CPLX1: variants seen among roughly 807,000 people sequenced by gnomAD.
CPLX1 encodes the protein complexin 1, also known as complexin-1.
In CPLX1, 6 loss-of-function variants were observed where a neutral mutation model predicts 15.6. The observed-to-expected ratio is 0.39, with a 90% CI of 0.21 to 0.76. The LOEUF (loss-of-function observed/expected upper bound fraction) is 0.76. Among genes scored for constraint, CPLX1 ranks in the 30% least tolerant of loss-of-function variants. CPLX1 has a pLI of 0.43. For missense variants in CPLX1, 242 were observed against 188.6 expected (o/e 1.28, Z -1.66); for synonymous variants, 91 against 75.2 (o/e 1.21, Z -1.08).
At chr4:795,673 C>A (rs1411198186) in intron 2 of CPLX1, among the ~76,000 whole-genome samples, 1 of 152,154 alleles carries the variant, frequency 6.6e-6, no homozygotes, top group East Asian at 1.9e-4. Context: ...GGCACGACCC[C>A]GCGGCAATGA....
rs1050140307 is a variant in CPLX1 at position 792,515 on chromosome 4, C to T, written c.125G>A (p.Arg42His). The change falls in exon 3 of 4, where the codon CGC (arginine) becomes CAC (histidine). Residue 42 changes from arginine to histidine, a missense_variant. Physicochemically the swap from Arg to His is conservative, Grantham distance 29. Coordinates refer to ENST00000304062, the MANE Select transcript of CPLX1 (RefSeq NM_006651.4). The stretch of plus-strand genomic sequence containing the variant: ...GGCCTTGCGCTCCTCCTCCGCCTGG[C>T]GCAGCGCCTCCTGCCGCTCCTCCTC... ...KKEEERQEAL[R>H]QAEEERKAKY... 7 of 1,613,126 alleles carry T rather than the reference C, an allele frequency of 4.3e-6. No individual in the cohort carries two copies. Among genetic ancestry groups the T allele is most frequent in the Admixed American group, 3.3e-5 (2 of 59,982 alleles).
At chr4:796,434 C>T (rs6599376) in intron 2 of CPLX1, among the ~76,000 whole-genome samples, 13,261 of 152,164 alleles carry the variant, frequency 0.087, 694 homozygotes, top group South Asian at 0.15. Context: ...TACAGGCACG[C>T]GCCACCACGC....
intron 2 of CPLX1, among the ~76,000 whole-genome samples, chr4:810,292 A>C (rs969247453): frequency 4.0e-4 from 61 of 150,706 alleles, no homozygotes; most frequent in African/African-American, 1.4e-3. Context: ...CTCGTGATCC[A>C]CCCGCCTCGG....
At chr4:795,231 C>T (rs1746296906) in intron 2 of CPLX1, among the ~76,000 whole-genome samples, 1 of 152,286 alleles carries the variant, frequency 6.6e-6, no homozygotes, top group African/African-American at 2.4e-5. Flanking sequence ...CTGCGGGAAG[C>T]TTGTTCCTGG....
intron 3 of CPLX1, chr4:787,378 G>A (rs1052867495): frequency 9.1e-6 from 9 of 985,044 alleles, no homozygotes; most frequent in South Asian, 4.7e-5. Flanking sequence ...TCTGCCCTCC[G>A]TAGTAGCTGA....
At chr4:806,572 A>G (rs1374141042) in intron 2 of CPLX1, among the ~76,000 whole-genome samples, 4 of 150,488 alleles carry the variant, frequency 2.7e-5, no homozygotes, top group Non-Finnish European at 5.9e-5. Flanking sequence ...GAGCTTCTGC[A>G]TAGCAAAAGA....
Position 824,558 on chromosome 4 carries a change from G to A in CPLX1, c.-36C>T, listed in dbSNP as rs762887197. 1.9e-6 allele frequency: 3 copies of A among 1,611,302 alleles called. No homozygotes were observed. Among genetic ancestry groups the A allele is most frequent in the South Asian group, 1.1e-5 (1 of 91,054 alleles). On this transcript the variant is annotated 5_prime_UTR_variant, in exon 2 of 4. Coordinates refer to ENST00000304062, the MANE Select transcript of CPLX1 (RefSeq NM_006651.4). The stretch of plus-strand genomic sequence containing the variant: ...CTGCTTCCACAGTGGCTCCTCCAGG[G>A]GTCAGAACTCACACGCAAGTATGGC...
chr4:806,033 T>C (rs898020088), intron 2 of CPLX1, among the ~76,000 whole-genome samples: 35 of 152,184 alleles, frequency 2.3e-4, no homozygotes, highest in African/African-American at 7.5e-4. Flanking sequence ...AGGTGTTAGT[T>C]GCACAACATT....
chr4:811,385 A>ATCC (rs1399009183), intron 2 of CPLX1, among the ~76,000 whole-genome samples: 1 of 151,928 alleles, frequency 6.6e-6, no homozygotes, highest in African/African-American at 2.4e-5. Flanking sequence ...GCCTCAGGCA[A>ATCC]TCCTTCCTCC....
chr4:814,508 C>T (rs1283368560), intron 2 of CPLX1, among the ~76,000 whole-genome samples: 3 of 152,174 alleles, frequency 2.0e-5, no homozygotes, highest in African/African-American at 4.8e-5. Flanking sequence ...CCACCACGCC[C>T]GGCCCTCTCC....
intron 2 of CPLX1, among the ~76,000 whole-genome samples, chr4:819,056 G>A (rs1420861644): frequency 6.6e-6 from 1 of 152,248 alleles, no homozygotes; most frequent in East Asian, 1.9e-4. Context: ...TCAGTTCCCT[G>A]TTCTGTCTGA....
At chr4:802,270 C>T (rs1425498964) in intron 2 of CPLX1, among the ~76,000 whole-genome samples, 2 of 152,214 alleles carry the variant, frequency 1.3e-5, no homozygotes, top group Non-Finnish European at 2.9e-5. Flanking sequence ...ATCTCAAAGT[C>T]TTTATGCTGA....
chr4:812,215 C>T (rs979216433), intron 2 of CPLX1, among the ~76,000 whole-genome samples: 1 of 152,102 alleles, frequency 6.6e-6, no homozygotes, highest in Non-Finnish European at 1.5e-5. Flanking sequence ...GCTGGGACTA[C>T]AGGCGCCCGC....
Position 804,164 on chromosome 4 carries a change from G to A in CPLX1, c.32-11556C>T, listed in dbSNP as rs148560706. Among the ~76,000 whole-genome samples, 279 of 152,322 alleles carry A rather than the reference G, an allele frequency of 1.8e-3. 1 individual carries two copies. The highest frequency in any genetic ancestry group is 0.01 in the Middle Eastern group (3 of 294). ...CCATGACAGTCCCACAGCCACGAACGTATTCCCGTCAACACAGGATGGTAA... is the reference window on the plus strand; with the variant it reads ...CCATGACAGTCCCACAGCCACGAACATATTCCCGTCAACACAGGATGGTAA... On this transcript the variant is annotated intron_variant, in intron 2 of 3. Coordinates refer to ENST00000304062, the MANE Select transcript of CPLX1 (RefSeq NM_006651.4).
In CPLX1 at chr4:787,592, C is replaced by G. The variant is rs768487508; in HGVS notation, c.208-894G>C. 287 of 811,200 alleles carry G rather than the reference C, an allele frequency of 3.5e-4. 1 individual carries two copies. Among genetic ancestry groups the G allele is most frequent in the Non-Finnish European group, 4.1e-4 (275 of 671,764 alleles). The allele number at this position is 811,200 out of a possible 1,614,324, so 50.3% of individuals were successfully genotyped here. On this transcript the variant is annotated intron_variant, in intron 3 of 3. Coordinates refer to ENST00000304062, the MANE Select transcript of CPLX1 (RefSeq NM_006651.4). Reference sequence around the variant, plus strand: ...GCGGGCATACGAAAGCGGAGGAGGTCGCGAGTGGTCAAGAAACACCAGGGA... The same window carrying G: ...GCGGGCATACGAAAGCGGAGGAGGTGGCGAGTGGTCAAGAAACACCAGGGA...
At chr4:814,495 G>C (rs569178068) in intron 2 of CPLX1, among the ~76,000 whole-genome samples, 1 of 152,160 alleles carries the variant, frequency 6.6e-6, no homozygotes. Context: ...TTTCAGGCAT[G>C]AGCCACCACG....
At chr4:803,261 G>A (rs1746491745) in intron 2 of CPLX1, among the ~76,000 whole-genome samples, 1 of 152,248 alleles carries the variant, frequency 6.6e-6, no homozygotes, top group Non-Finnish European at 1.5e-5. Context: ...GCGCTGTTTC[G>A]AAGGGTCCAG....
chr4:786,704 G>T lies in CPLX1; in HGVS notation c.208-6C>A. 1 of 1,588,092 alleles carries T rather than the reference G, an allele frequency of 6.3e-7. No individual in the cohort carries two copies. On this transcript the variant is annotated splice_polypyrimidine_tract_variant and splice_region_variant and intron_variant, in intron 3 of 3. Coordinates refer to ENST00000304062, the MANE Select transcript of CPLX1 (RefSeq NM_006651.4). ...TCCTTCTTCTTGATGCCGTACTGCG[G>T]GGGAGGCGGGGGTCAGGGCGGGGGT...
intron 2 of CPLX1, among the ~76,000 whole-genome samples, chr4:820,616 G>A (rs6599382): frequency 0.34 from 52,307 of 152,038 alleles, 9,201 homozygotes; most frequent in Middle Eastern, 0.44. Flanking sequence ...CTCCATCCCC[G>A]TGGAGGGCTG....
Sources: gnomAD v4.1 joint callset for allele counts (sites outside exome capture counted in the v4.1 genomes callset) on GRCh38, gnomAD v4.1.1 for gene constraint, MANE v1.5 for transcripts, NCBI Gene and HGNC (gene_info 2026-07-23, HGNC 2026-07-21) for gene names.